Variants in CNTN4 observed in about 807,000 individuals in gnomAD.
CNTN4 encodes the protein contactin 4.
In CNTN4, 77 loss-of-function variants were observed where a neutral mutation model predicts 122.5. The observed-to-expected ratio is 0.63, with a 90% CI of 0.52 to 0.76. The LOEUF is 0.76. Among genes scored for constraint, CNTN4 ranks in the 30% least tolerant of loss-of-function variants. The pLI, the probability that CNTN4 is intolerant of heterozygous loss-of-function variation, is 0.00. For missense variants in CNTN4, 1,256 were observed against 1,259.1 expected, an observed-to-expected ratio of 1.00 and a Z score of 0.04; for synonymous variants, 512 against 447.0, an observed-to-expected ratio of 1.15 and a Z score of -1.83.
chr3:2,825,207 G>GTC (rs1576949448), intron 7 of CNTN4, among the ~76,000 whole-genome samples: 1 of 151,810 alleles, frequency 6.6e-6, no homozygotes, highest in Non-Finnish European at 1.5e-5. Context: ...CAGTGAGGCC[G>GTC]TCTCTAAAAA....
rs575633321 is a variant in CNTN4 at position 2,578,178 on chromosome 3, C to G, written c.55+6620C>G. Reference sequence around the variant, plus strand: ...TACAAACCTGCAATGAGAACACATACAAAGAATGCTCATTGGTCTTCAGAA... The same window carrying G: ...TACAAACCTGCAATGAGAACACATAGAAAGAATGCTCATTGGTCTTCAGAA... On this transcript the variant is annotated intron_variant, in intron 4 of 24. Coordinates refer to ENST00000418658, the MANE Select transcript of CNTN4 (RefSeq NM_175607.3). Among the ~76,000 whole-genome samples the G allele has an allele frequency of 2.8e-4, 43 of 152,244 alleles. 1 individual carries two copies. In the South Asian group the frequency reaches 8.9e-3, roughly 32 times the overall value.
intron 4 of CNTN4, among the ~76,000 whole-genome samples, chr3:2,589,496 T>C (rs1344714336): frequency 6.6e-6 from 1 of 152,214 alleles, no homozygotes; most frequent in African/African-American, 2.4e-5. Context: ...ACTCAAGCCA[T>C]TCCTTCCCTC....
At chr3:2,352,610 C>T (rs1219710162) in intron 3 of CNTN4, among the ~76,000 whole-genome samples, 3 of 152,200 alleles carry the variant, frequency 2.0e-5, no homozygotes, top group Non-Finnish European at 2.9e-5. Context: ...TCTCACCGGG[C>T]CTCTGCTGCC....
rs927688752 is a variant in CNTN4 at position 2,900,876 on chromosome 3, C to G, written c.1077+55C>G. ...GTCTTGACTATAACGTTTAATATAG[C>G]CTCATTGCCGTGGAAACGGGAGAAT... On this transcript the variant is annotated intron_variant, in intron 11 of 24. Transcript: ENST00000418658. 32 of 1,593,720 alleles carry G rather than the reference C, an allele frequency of 2.0e-5. No homozygotes were observed. In the Admixed American group the frequency reaches 2.7e-4, roughly 13 times the overall value.
intron 14 of CNTN4, among the ~76,000 whole-genome samples, chr3:2,991,825 G>T (rs536483171): frequency 2.0e-5 from 3 of 150,042 alleles, no homozygotes; most frequent in African/African-American, 7.4e-5. Flanking sequence ...ATGACTGAGC[G>T]CTGTATTTTA....
chr3:2,957,098 G>A (rs547764354), intron 13 of CNTN4, among the ~76,000 whole-genome samples: 19 of 152,284 alleles, frequency 1.2e-4, no homozygotes, highest in African/African-American at 1.9e-4. Flanking sequence ...TGATGAATAT[G>A]GGAGTGCAGA....
At chr3:2,474,841 C>A (rs1002063505) in intron 3 of CNTN4, among the ~76,000 whole-genome samples, 1 of 152,140 alleles carries the variant, frequency 6.6e-6, no homozygotes, top group African/African-American at 2.4e-5. Context: ...ATTAATATTT[C>A]ATTGTAGGTA....
chr3:2,457,912 A>G (rs2049059721), intron 3 of CNTN4, among the ~76,000 whole-genome samples: 1 of 152,104 alleles, frequency 6.6e-6, no homozygotes, highest in South Asian at 2.1e-4. Context: ...AGGGCTCATG[A>G]ATTACATTAT....
At chr3:2,354,027 C>T (rs2044761712) in intron 3 of CNTN4, among the ~76,000 whole-genome samples, 1 of 152,204 alleles carries the variant, frequency 6.6e-6, no homozygotes, top group African/African-American at 2.4e-5. Flanking sequence ...CTTATAAACA[C>T]ATTTTCTTAT....
intron 4 of CNTN4, among the ~76,000 whole-genome samples, chr3:2,684,109 T>G (rs2085308908): frequency 6.6e-6 from 1 of 152,194 alleles, no homozygotes; most frequent in African/African-American, 2.4e-5. Flanking sequence ...TATTAAATAT[T>G]TATTCCTTTG....
chr3:2,162,820 G>A (rs757408879), intron 2 of CNTN4, among the ~76,000 whole-genome samples: 2 of 152,208 alleles, frequency 1.3e-5, no homozygotes, highest in African/African-American at 2.4e-5. Context: ...AACAGGGCTG[G>A]GTGTGGTGGC....
At chr3:2,603,600 T>TA (rs2081138794) in intron 4 of CNTN4, among the ~76,000 whole-genome samples, 1 of 152,232 alleles carries the variant, frequency 6.6e-6, no homozygotes, top group Admixed American at 6.5e-5. Context: ...ATTAATGACT[T>TA]ACGTTTCATG....
chr3:3,000,693 G>T (rs1695946640), intron 14 of CNTN4, among the ~76,000 whole-genome samples: 1 of 151,992 alleles, frequency 6.6e-6, no homozygotes, highest in African/African-American at 2.4e-5. Context: ...GCGTTCTCAG[G>T]GTCTGCCCTA....
chr3:2,346,683 T>A (rs1268360041), intron 3 of CNTN4, among the ~76,000 whole-genome samples: 2 of 152,236 alleles, frequency 1.3e-5, no homozygotes, highest in African/African-American at 2.4e-5. Flanking sequence ...TTACTACAGA[T>A]AATGAAATCT....
At position 2,863,245 on chromosome 3, in the gene CNTN4, T is replaced by C. The variant is rs1577084488; in HGVS notation, c.455-3507T>C. Among the ~76,000 whole-genome samples the C allele has an allele frequency of 2.6e-5, 4 of 152,200 alleles. No individual in the cohort carries two copies. In the East Asian group the frequency reaches 7.7e-4, roughly 29 times the overall value. On this transcript the variant is annotated intron_variant, in intron 7 of 24. Transcript: ENST00000418658. ...GATCGTGAAAAAAACTAAGTTAATA[T>C]CTTGGTGAGAGATTTCCCCTGTTTT...
intron 3 of CNTN4, among the ~76,000 whole-genome samples, chr3:2,479,708 A>G (rs975719725): frequency 9.2e-5 from 14 of 152,202 alleles, no homozygotes; most frequent in African/African-American, 3.1e-4. Context: ...CAATACTGCC[A>G]TTAAAAGTCT....
At chr3:2,644,986 GA>G (rs2083057072) in intron 4 of CNTN4, among the ~76,000 whole-genome samples, 1 of 151,138 alleles carries the variant, frequency 6.6e-6, no homozygotes, top group African/African-American at 2.4e-5. Context: ...AAGTGGCAAA[GA>G]AAAAAAATTT....
chr3:3,052,645 A>C (rs1177635687), intron 23 of CNTN4, among the ~76,000 whole-genome samples: 2 of 152,176 alleles, frequency 1.3e-5, no homozygotes, highest in Non-Finnish European at 2.9e-5. Flanking sequence ...ATCCCAGGTA[A>C]GTGAATGTGT....
chr3:2,373,169 A>G lies in CNTN4; in HGVS notation c.-89+33936A>G, dbSNP rs140367738. On this transcript the variant is annotated intron_variant, in intron 3 of 24. Coordinates refer to ENST00000418658, the MANE Select transcript of CNTN4 (RefSeq NM_175607.3). ...ACTGGGGTTAGACCAATTAATCTCA[A>G]AGTTTCATCCAGTAATTACAGATTC... is the stretch of plus-strand genomic sequence containing the variant. 7.2e-5 allele frequency among the ~76,000 whole-genome samples: 11 copies of G among 152,328 alleles called. No individual in the cohort carries two copies. The East Asian group carries it at 2.1e-3, about 29-fold the overall frequency.
Sources: gnomAD v4.1 joint callset for allele counts (sites outside exome capture counted in the v4.1 genomes callset) on GRCh38, gnomAD v4.1.1 for gene constraint, MANE v1.5 for transcripts, NCBI Gene and HGNC (gene_info 2026-07-23, HGNC 2026-07-21) for gene names.